Variants in BNIP2 observed in about 807,000 individuals in gnomAD.
BNIP2 encodes the protein BCL2 interacting protein 2.
In BNIP2, 36 loss-of-function variants were observed where a neutral mutation model predicts 43.4. The observed-to-expected ratio is 0.83, with a 90% CI of 0.64 to 1.10. The LOEUF (loss-of-function observed/expected upper bound fraction) is 1.10, where lower values mean the gene tolerates loss of function less well. BNIP2 is among the 50% of genes least tolerant of loss of function. The pLI is 0.00. For missense variants in BNIP2, 417 were observed against 374.1 expected (o/e 1.11, Z -0.95); for synonymous variants, 146 against 121.0 (o/e 1.21, Z -1.35).
At chr15:59,677,243 G>A (rs779262279) in intron 5 of BNIP2, 69 of 1,595,840 alleles carry the variant, frequency 4.3e-5, no homozygotes, top group Middle Eastern at 4.2e-4. Flanking sequence ...CCAAGCCCCG[G>A]CTGGACTGCT....
chr15:59,672,866 T>C, intron 5 of BNIP2, 127 bp from the exon 6 acceptor site: 3 of 628,988 alleles, frequency 4.8e-6, no homozygotes, highest in Non-Finnish European at 8.1e-6. Flanking sequence ...ATTAAATGTA[T>C]GTTTTGTAAA....
At chr15:59,675,738 A>G (rs1319843929) in intron 5 of BNIP2, among the ~76,000 whole-genome samples, 1 of 152,214 alleles carries the variant, frequency 6.6e-6, no homozygotes. Context: ...AAAAAAACGG[A>G]TAAGCAAATT....
rs748477138 is a variant in BNIP2 at position 59,663,742 on chromosome 15, T to G, written c.*327A>C. 24 of 190,412 alleles carry G rather than the reference T, an allele frequency of 1.3e-4. No individual in the cohort carries two copies. The highest frequency in any genetic ancestry group is 2.2e-4 in the Non-Finnish European group (21 of 93,758). The allele number at this position is 190,412 out of a possible 1,614,324, so 11.8% of individuals were successfully genotyped here. A position where few individuals can be genotyped will look rare whatever the true frequency, so the allele number is the denominator to read the frequency against. The stretch of plus-strand genomic sequence containing the variant: ...TATTATTTCTTTCCTTTGCCATTTA[T>G]GCATATAAATATTTCACCGAAGAAG... On this transcript the variant is annotated 3_prime_UTR_variant, in exon 10 of 10. Coordinates refer to ENST00000607373, the MANE Select transcript of BNIP2 (RefSeq NM_004330.4).
chr15:59,667,162 A>G (rs1180850943), intron 9 of BNIP2, among the ~76,000 whole-genome samples: 2 of 152,240 alleles, frequency 1.3e-5, no homozygotes, highest in African/African-American at 4.8e-5. Flanking sequence ...TAAACTGTGA[A>G]GTGTCATATA....
chr15:59,685,417 C>T (rs1893949354), intron 1 of BNIP2, among the ~76,000 whole-genome samples: 1 of 152,204 alleles, frequency 6.6e-6, no homozygotes, highest in Non-Finnish European at 1.5e-5. Context: ...AGGAGAATCG[C>T]TGGAACCCCA....
chr15:59,682,099 C>A (rs756411523), intron 2 of BNIP2, among the ~76,000 whole-genome samples: 7 of 152,012 alleles, frequency 4.6e-5, no homozygotes, highest in African/African-American at 1.7e-4. Context: ...GAGGCCAAGG[C>A]AGGCAGATCA....
At position 59,660,996 on chromosome 15, in the gene BNIP2, A is replaced by G. The variant is rs142536851; in HGVS notation, c.*3073T>C. 4.6e-5 allele frequency: 7 copies of G among 152,288 alleles called. No homozygotes were observed. The highest frequency in any genetic ancestry group is 1.4e-4 in the African/African-American group (6 of 41,552). 9.4% of individuals were successfully genotyped at this position (152,288 alleles called of 1,614,324 possible). On this transcript the variant is annotated 3_prime_UTR_variant, in exon 10 of 10. Coordinates refer to ENST00000607373, the MANE Select transcript of BNIP2 (RefSeq NM_004330.4). Reference sequence around the variant, plus strand: ...TATAGCCTGCAGGTTTTCCTGCTGCATACAAGAAATGTTACCATCAGCAGT... The same window carrying G: ...TATAGCCTGCAGGTTTTCCTGCTGCGTACAAGAAATGTTACCATCAGCAGT...
At chr15:59,678,349 C>T in intron 4 of BNIP2, 1 of 1,176,408 alleles carries the variant, frequency 8.5e-7, no homozygotes, top group Non-Finnish European at 1.1e-6. Context: ...TCCACAAGTT[C>T]AGAAAATATA....
rs1476170643 is a variant in BNIP2, at chr15:59,661,627, G to T, written c.*2442C>A. Reference sequence around the variant, plus strand: ...ATGAAAAACTTCTGACTAAAAAAGGGGCACTTAGAGCCTAGTGACAGAAGC... The same window carrying T: ...ATGAAAAACTTCTGACTAAAAAAGGTGCACTTAGAGCCTAGTGACAGAAGC... On this transcript the variant is annotated 3_prime_UTR_variant, in exon 10 of 10. Coordinates refer to ENST00000607373, the MANE Select transcript of BNIP2 (RefSeq NM_004330.4). The T allele has an allele frequency of 6.6e-6, 1 of 152,086 alleles. No individual in the cohort carries two copies. The highest frequency in any genetic ancestry group is 2.4e-5 in the African/African-American group (1 of 41,408). The allele number at this position is 152,086 out of a possible 1,614,324, so 9.4% of individuals were successfully genotyped here.
At chr15:59,677,241 C>T (rs1165010478) in intron 5 of BNIP2, 20 of 1,595,594 alleles carry the variant, frequency 1.3e-5, no homozygotes, top group South Asian at 8.8e-5. Flanking sequence ...TGCCAAGCCC[C>T]GGCTGGACTG....
At chr15:59,679,848 C>T in intron 3 of BNIP2, 80 bp from the exon 4 acceptor site, 5 of 1,216,940 alleles carry the variant, frequency 4.1e-6, no homozygotes, top group Non-Finnish European at 5.5e-6. Context: ...ATTTTAACTA[C>T]CCCATTCTTG....
chr15:59,664,150 A>T (rs1356237655), intron 9 of BNIP2, 30 bp from the exon 10 acceptor site: 1 of 1,387,614 alleles, frequency 7.2e-7, no homozygotes, highest in Non-Finnish European at 9.9e-7. Flanking sequence ...TAAAATAAGA[A>T]ACCAGCAACT....
intron 9 of BNIP2, among the ~76,000 whole-genome samples, chr15:59,666,309 A>G (rs190467410): frequency 3.9e-4 from 60 of 152,218 alleles, no homozygotes; most frequent in African/African-American, 1.4e-3. Context: ...TCTTCTTAGC[A>G]CCACTACTTA....
chr15:59,679,364 A>G, intron 4 of BNIP2: 1 of 382,750 alleles, frequency 2.6e-6, no homozygotes, highest in East Asian at 5.0e-5. Flanking sequence ...ATCAAGAAAT[A>G]TTTTTGAAAC....
At chr15:59,677,383 T>C in intron 5 of BNIP2, 1 of 1,530,616 alleles carries the variant, frequency 6.5e-7, no homozygotes, top group Non-Finnish European at 8.8e-7. Context: ...GCCATAAGGG[T>C]TGGTTTTCCG....
At position 59,680,227 on chromosome 15, in the gene BNIP2, T is replaced by C. The variant is rs1310131964; in HGVS notation, c.118+14A>G. The C allele has an allele frequency of 1.3e-6, 2 of 1,529,386 alleles. No homozygotes were observed. Among genetic ancestry groups the C allele is most frequent in the Non-Finnish European group, 1.8e-6 (2 of 1,129,564 alleles). The allele number at this position is 1,529,386 out of a possible 1,614,324, so 94.7% of individuals were successfully genotyped here. A position where few individuals can be genotyped will look rare whatever the true frequency, so the allele number is the denominator to read the frequency against. ...AGTCCATAATTTCAATGAAAGTAAG[T>C]GTCAAGCTCTTACCAGGCTGGTCCT... On this transcript the variant is annotated intron_variant, in intron 3 of 9. Coordinates refer to ENST00000607373, the MANE Select transcript of BNIP2 (RefSeq NM_004330.4).
Position 59,689,205 on chromosome 15 carries a change from T to C in BNIP2, c.-128A>G. On this transcript the variant is annotated 5_prime_UTR_variant, in exon 1 of 10. Coordinates refer to ENST00000607373, the MANE Select transcript of BNIP2 (RefSeq NM_004330.4). ...CGGCGACGTGGGGCTGACGGCCAGG[T>C]CGCAAAAAGCAGGGCCGAGCGGAGC... The C allele has an allele frequency of 6.5e-7, 1 of 1,539,954 alleles. No individual in the cohort carries two copies. The highest frequency in any genetic ancestry group is 8.7e-7 in the Non-Finnish European group (1 of 1,146,432).
chr15:59,677,244 C>G lies in BNIP2; in HGVS notation c.472+667G>C, dbSNP rs576404279. On this transcript the variant is annotated intron_variant, in intron 5 of 9. Coordinates refer to ENST00000607373, the MANE Select transcript of BNIP2 (RefSeq NM_004330.4). ...CGTCTTCCAGAGTGCCAAGCCCCGGCTGGACTGCTTGACTGAAGTATACAG... is the reference window on the plus strand; with the variant it reads ...CGTCTTCCAGAGTGCCAAGCCCCGGGTGGACTGCTTGACTGAAGTATACAG... 5 of 1,595,940 alleles carry G rather than the reference C, an allele frequency of 3.1e-6. No homozygotes were observed. In the South Asian group the frequency reaches 5.5e-5, roughly 18 times the overall value.
rs1173634004 is a variant in BNIP2, at chr15:59,664,035, C to T, written c.*34G>A. The T allele has an allele frequency of 1.3e-6, 2 of 1,494,428 alleles. No homozygotes were observed. Among genetic ancestry groups the T allele is most frequent in the South Asian group, 2.6e-5 (2 of 77,450 alleles). 92.6% of individuals were successfully genotyped at this position (1,494,428 alleles called of 1,614,324 possible). On this transcript the variant is annotated 3_prime_UTR_variant, in exon 10 of 10. Transcript: ENST00000607373. The stretch of plus-strand genomic sequence containing the variant: ...CAGAAACAGCACTGCTCCATCAGCA[C>T]ATTCTTCAGTCTTGTTTGGACTAGA...
Sources: gnomAD v4.1 joint callset for allele counts (sites outside exome capture counted in the v4.1 genomes callset) on GRCh38, gnomAD v4.1.1 for gene constraint, MANE v1.5 for transcripts, NCBI Gene and HGNC (gene_info 2026-07-23, HGNC 2026-07-21) for gene names.